The following USO1 variants were observed in gnomAD, a reference collection of about 807,000 sequenced individuals.
The protein encoded by USO1 is USO1 vesicle transport factor.
USO1 carries 57 observed loss-of-function variants against 124.5 expected under a neutral mutation model. That is an observed-to-expected ratio of 0.46 (90% CI 0.37 to 0.57). The LOEUF (loss-of-function observed/expected upper bound fraction) is 0.57. Ranked by LOEUF, USO1 falls within the 20% of genes least tolerant of loss-of-function variation. The pLI is 0.00. For missense variants in USO1, 900 were observed against 1,040.6 expected (o/e 0.86, Z 1.86); for synonymous variants, 369 against 362.8 (o/e 1.02, Z -0.19).
At chr4:75,794,246 TA>T (rs949838058) in intron 13 of USO1, among the ~76,000 whole-genome samples, 2 of 152,134 alleles carry the variant, frequency 1.3e-5, no homozygotes, top group Non-Finnish European at 2.9e-5. Flanking sequence ...TGGGAGGGAG[TA>T]AAGTAGTTCA....
At chr4:75,773,828 G>C (rs984440377) in intron 7 of USO1, among the ~76,000 whole-genome samples, 3 of 152,162 alleles carry the variant, frequency 2.0e-5, no homozygotes, top group Middle Eastern at 3.2e-3. Context: ...TACCTACTCA[G>C]TACTGGTAGC....
chr4:75,740,367 A>C (rs998757082), intron 1 of USO1, among the ~76,000 whole-genome samples: 1 of 152,134 alleles, frequency 6.6e-6, no homozygotes, highest in Non-Finnish European at 1.5e-5. Flanking sequence ...GGCTCACTGC[A>C]GTCTCAAACT....
chr4:75,753,489 C>T (rs1286340010), intron 3 of USO1, among the ~76,000 whole-genome samples: 3 of 151,936 alleles, frequency 2.0e-5, no homozygotes, highest in African/African-American at 7.3e-5. Flanking sequence ...TAACCAAGAT[C>T]GTCCAACTGC....
rs1006127922 is a variant in USO1 at position 75,813,516 on chromosome 4, C to A, written c.*221C>A. On this transcript the variant is annotated 3_prime_UTR_variant, in exon 24 of 24. Transcript: ENST00000514213. ...TTTTATTTAAATCCATCTGAACTGT[C>A]CCAAAATGTAATTTGCAAAGAGCTT... 37 of 365,980 alleles carry A rather than the reference C, an allele frequency of 1.0e-4. No individual in the cohort carries two copies. The highest frequency in any genetic ancestry group is 1.4e-4 in the Non-Finnish European group (30 of 216,662). The allele number at this position is 365,980 out of a possible 1,614,324, so 22.7% of individuals were successfully genotyped here. A position where few individuals can be genotyped will look rare whatever the true frequency, so the allele number is the denominator to read the frequency against.
At chr4:75,757,371 T>C (rs1363644300) in intron 3 of USO1, 126 bp from the exon 4 acceptor site, 7 of 811,122 alleles carry the variant, frequency 8.6e-6, no homozygotes, top group Non-Finnish European at 1.2e-5. Flanking sequence ...CAGTTTGCAC[T>C]CTGATATTTT....
chr4:75,748,398 A>G (rs765310977), intron 1 of USO1, among the ~76,000 whole-genome samples: 3 of 151,358 alleles, frequency 2.0e-5, no homozygotes, highest in Non-Finnish European at 4.4e-5. Context: ...CACATTGCCT[A>G]CACTGGTCTT....
At chr4:75,754,919 A>G (rs1172475729) in intron 3 of USO1, among the ~76,000 whole-genome samples, 3 of 152,196 alleles carry the variant, frequency 2.0e-5, no homozygotes, top group African/African-American at 7.2e-5. Flanking sequence ...ATTGAGGATC[A>G]ACTTAGCTAA....
intron 8 of USO1, among the ~76,000 whole-genome samples, chr4:75,775,346 C>G (rs998272751): frequency 6.6e-6 from 1 of 152,024 alleles, no homozygotes; most frequent in African/African-American, 2.4e-5. Flanking sequence ...CGAGACCAGT[C>G]GGGCCAACAT....
At chr4:75,734,669 A>C (rs1277555800) in intron 1 of USO1, among the ~76,000 whole-genome samples, 1 of 128,742 alleles carries the variant, frequency 7.8e-6, no homozygotes, top group African/African-American at 2.9e-5. Context: ...TGACATTGGT[A>C]GTTTGATAGG....
intron 4 of USO1, among the ~76,000 whole-genome samples, chr4:75,757,792 G>C (rs1253092656): frequency 6.6e-6 from 1 of 152,076 alleles, no homozygotes; most frequent in Non-Finnish European, 1.5e-5. Context: ...GATGGAATAA[G>C]ATCCTTCTTT....
intron 1 of USO1, 104 bp downstream of exon 1, chr4:75,724,989 G>C: frequency 1.1e-5 from 14 of 1,269,616 alleles, no homozygotes; most frequent in East Asian, 2.4e-5. Flanking sequence ...ACCATGGAGG[G>C]GGCATCCACA....
intron 1 of USO1, among the ~76,000 whole-genome samples, chr4:75,736,495 G>A (rs1391135003): frequency 6.6e-6 from 1 of 151,652 alleles, no homozygotes; most frequent in African/African-American, 2.4e-5. Flanking sequence ...TAGAAATGGG[G>A]TTTCACCATG....
chr4:75,761,426 AAAAC>A (rs1460247885), intron 4 of USO1, among the ~76,000 whole-genome samples: 12 of 152,192 alleles, frequency 7.9e-5, no homozygotes, highest in African/African-American at 1.9e-4. Flanking sequence ...CTGCCTCTAA[AAAAC>A]AAACAAACAA....
intron 4 of USO1, chr4:75,760,578 T>A: frequency 2.5e-6 from 1 of 397,788 alleles, no homozygotes; most frequent in Non-Finnish European, 4.4e-6. Flanking sequence ...TTATTTATTT[T>A]TATCTACCTT....
At chr4:75,806,763 A>G (rs985120390) in intron 20 of USO1, among the ~76,000 whole-genome samples, 191 bp downstream of exon 20, 6 of 152,044 alleles carry the variant, frequency 3.9e-5, no homozygotes, top group African/African-American at 1.4e-4. Flanking sequence ...TTGTGTTTTT[A>G]TTTTTCAGAG....
chr4:75,734,943 G>A (rs541183981), intron 1 of USO1, among the ~76,000 whole-genome samples: 49 of 151,738 alleles, frequency 3.2e-4, no homozygotes, highest in African/African-American at 9.7e-4. Context: ...TGGCCAGGCT[G>A]GTTTCAAACT....
chr4:75,787,285 A>T, intron 10 of USO1, 83 bp downstream of exon 10: 1 of 1,359,952 alleles, frequency 7.4e-7, no homozygotes, highest in Non-Finnish European at 9.5e-7. Context: ...TTGAAGGAAA[A>T]ACTACAATAG....
chr4:75,750,262 T>G (rs1438202595), intron 1 of USO1, among the ~76,000 whole-genome samples: 12 of 152,082 alleles, frequency 7.9e-5, no homozygotes, highest in African/African-American at 2.9e-4. Flanking sequence ...AGTTAGACCC[T>G]GTCTCTAAAA....
At chr4:75,735,927 G>A (rs936173770) in intron 1 of USO1, among the ~76,000 whole-genome samples, 8 of 151,882 alleles carry the variant, frequency 5.3e-5, no homozygotes, top group African/African-American at 7.3e-5. Flanking sequence ...TAGCCCTATT[G>A]GCTAGCAAAA....
Sources: allele counts gnomAD v4.1 joint callset (sites outside exome capture counted in the v4.1 genomes callset), GRCh38; gene constraint gnomAD v4.1.1; transcripts MANE v1.5; gene names NCBI Gene and HGNC (gene_info 2026-07-23, HGNC 2026-07-21).